Variants in SLCO3A1 observed in about 807,000 individuals in gnomAD.
SLCO3A1 encodes PGE1 transporter.
A neutral mutation model predicts 63.1 loss-of-function variants in SLCO3A1; 27 were observed. The ratio of observed to expected loss-of-function variants is 0.43; its 90% CI spans 0.32 to 0.59. SLCO3A1 has a LOEUF of 0.59. Among genes scored for constraint, SLCO3A1 ranks in the 20% least tolerant of loss-of-function variants. The pLI is 0.09. For missense variants in SLCO3A1, 773 were observed against 945.8 expected, an observed-to-expected ratio of 0.82 and a Z score of 2.40; for synonymous variants, 473 against 409.9, an observed-to-expected ratio of 1.15 and a Z score of -1.86.
intron 2 of SLCO3A1, among the ~76,000 whole-genome samples, chr15:91,953,103 G>C (rs2151413165): frequency 6.6e-6 from 1 of 152,346 alleles, no homozygotes; most frequent in East Asian, 1.9e-4. Context: ...CTTCAGAGTA[G>C]ACTAGGAGGG....
downstream of SLCO3A1, among the ~76,000 whole-genome samples, chr15:92,169,327 A>G (rs2048509288): frequency 6.6e-6 from 1 of 152,108 alleles, no homozygotes; most frequent in Admixed American, 6.5e-5. Flanking sequence ...CAGACCCATA[A>G]CCACTATGGG....
chr15:92,023,986 C>T (rs2046540687), intron 2 of SLCO3A1, among the ~76,000 whole-genome samples: 1 of 152,132 alleles, frequency 6.6e-6, no homozygotes, highest in African/African-American at 2.4e-5. Flanking sequence ...TATCCAGAGC[C>T]AAGTCCAGTG....
At position 91,897,455 on chromosome 15, in the gene SLCO3A1, C is replaced by G. The variant is rs1161126760; in HGVS notation, c.181-18538C>G. Among the ~76,000 whole-genome samples the G allele has an allele frequency of 6.6e-6, 1 of 152,110 alleles. No individual in the cohort carries two copies. The highest frequency in any genetic ancestry group is 1.5e-5 in the Non-Finnish European group (1 of 68,008). On this transcript the variant is annotated intron_variant, in intron 1 of 9. Coordinates refer to ENST00000318445, the MANE Select transcript of SLCO3A1 (RefSeq NM_013272.4). This position sits in a 1 kb window ranked among gnomAD's most constrained non-coding sequence, Gnocchi z 4.7. Reference sequence around the variant, plus strand: ...AATGGAGCGAGACTCTGTCTAAAAACAAACAAACAAACAAACCCCCAAAAC... The same window carrying G: ...AATGGAGCGAGACTCTGTCTAAAAAGAAACAAACAAACAAACCCCCAAAAC...
intron 2 of SLCO3A1, among the ~76,000 whole-genome samples, chr15:92,079,672 C>T (rs988152954): frequency 1.3e-5 from 2 of 152,208 alleles, no homozygotes; most frequent in African/African-American, 4.8e-5. Flanking sequence ...TGAGGGGACA[C>T]AGTCCAGCCC....
At chr15:91,870,943 C>T (rs1271836946) in intron 1 of SLCO3A1, among the ~76,000 whole-genome samples, 1 of 151,362 alleles carries the variant, frequency 6.6e-6, no homozygotes, top group Non-Finnish European at 1.5e-5. Flanking sequence ...TTATTAAGTT[C>T]TATGGCTCAA....
intron 2 of SLCO3A1, among the ~76,000 whole-genome samples, chr15:92,072,115 A>G (rs2047222526): frequency 6.6e-6 from 1 of 152,086 alleles, no homozygotes; most frequent in Non-Finnish European, 1.5e-5. Context: ...ATAGGTTTCA[A>G]GGGATTTGGA....
intron 2 of SLCO3A1, among the ~76,000 whole-genome samples, chr15:92,047,655 G>A (rs1323622742): frequency 2.7e-5 from 3 of 110,778 alleles, no homozygotes; most frequent in Non-Finnish European, 1.7e-5. Flanking sequence ...TATATCTGTA[G>A]GTTATACAGT....
At chr15:91,983,186 C>T (rs1230206413) in intron 2 of SLCO3A1, among the ~76,000 whole-genome samples, 1 of 152,242 alleles carries the variant, frequency 6.6e-6, no homozygotes, top group Non-Finnish European at 1.5e-5. Context: ...GTACCCTATG[C>T]CAGGCATGGC....
intron 6 of SLCO3A1, 46 bp from the exon 7 acceptor site, chr15:92,128,305 G>C (rs78439551): frequency 3.0e-5 from 48 of 1,612,432 alleles, no homozygotes; most frequent in Non-Finnish European, 4.1e-5. Flanking sequence ...ATCTGATTCC[G>C]AATTGACCTG....
intron 2 of SLCO3A1, among the ~76,000 whole-genome samples, chr15:92,044,872 C>T (rs1208386913): frequency 6.6e-6 from 1 of 152,156 alleles, no homozygotes; most frequent in East Asian, 1.9e-4. Context: ...CCCATCCCCT[C>T]GCAACACCTG....
chr15:91,953,145 G>A (rs1369148345), intron 2 of SLCO3A1, among the ~76,000 whole-genome samples: 1 of 152,228 alleles, frequency 6.6e-6, no homozygotes, highest in Admixed American at 6.5e-5. Flanking sequence ...CAAGGCCCAG[G>A]TCATCCCTGC....
chr15:91,887,040 G>A (rs1897741413), intron 1 of SLCO3A1, among the ~76,000 whole-genome samples: 1 of 152,082 alleles, frequency 6.6e-6, no homozygotes, highest in Admixed American at 6.5e-5. Context: ...ATCCTTAGTG[G>A]CTTTTATGGT....
At chr15:92,142,741 G>T (rs912701243) in intron 7 of SLCO3A1, among the ~76,000 whole-genome samples, 2 of 152,104 alleles carry the variant, frequency 1.3e-5, no homozygotes, top group African/African-American at 4.8e-5. Flanking sequence ...TGCAGGCACC[G>T]TGCCAGCTGT....
Position 91,856,299 on chromosome 15 carries a change from A to G in SLCO3A1, c.180+2211A>G, listed in dbSNP as rs964383821. On this transcript the variant is annotated intron_variant, in intron 1 of 9. Coordinates refer to ENST00000318445, the MANE Select transcript of SLCO3A1 (RefSeq NM_013272.4). This position sits in a 1 kb window ranked among gnomAD's most constrained non-coding sequence, Gnocchi z 4.9. ...GGAGAGGACAGGCCTAGGAAATTGA[A>G]TTCATTTTGATTACTAGGAGTGGAG... 2.6e-5 allele frequency among the ~76,000 whole-genome samples: 4 copies of G among 152,076 alleles called. No homozygotes were observed. Among genetic ancestry groups the G allele is most frequent in the Non-Finnish European group, 4.4e-5 (3 of 68,026 alleles).
chr15:91,897,848 G>A lies in SLCO3A1; in HGVS notation c.181-18145G>A, dbSNP rs28734827. On this transcript the variant is annotated intron_variant, in intron 1 of 9. Coordinates refer to ENST00000318445, the MANE Select transcript of SLCO3A1 (RefSeq NM_013272.4). This position sits in a 1 kb window ranked among gnomAD's most constrained non-coding sequence, Gnocchi z 4.7. ...TGCAATGGATGACATGTGAGCATGAGGATGGGTGCGGGAGGCGAAAGGCAG... is the reference window on the plus strand; with the variant it reads ...TGCAATGGATGACATGTGAGCATGAAGATGGGTGCGGGAGGCGAAAGGCAG... 6.6e-6 allele frequency among the ~76,000 whole-genome samples: 1 copy of A among 152,206 alleles called. No homozygotes were observed. Among genetic ancestry groups the A allele is most frequent in the Non-Finnish European group, 1.5e-5 (1 of 68,046 alleles).
intron 9 of SLCO3A1, chr15:92,161,917 T>G (rs972880165): frequency 8.4e-5 from 12 of 143,220 alleles, no homozygotes; most frequent in South Asian, 2.2e-4. Flanking sequence ...TGCCGGCGCT[T>G]TGCAGTTTCC....
At chr15:91,939,354 T>C (rs952792762) in intron 2 of SLCO3A1, among the ~76,000 whole-genome samples, 7 of 151,988 alleles carry the variant, frequency 4.6e-5, no homozygotes, top group African/African-American at 1.7e-4. Context: ...CATAATCCAA[T>C]CACCTCCCGC....
intron 2 of SLCO3A1, among the ~76,000 whole-genome samples, chr15:92,049,367 A>G (rs1374539958): frequency 6.6e-6 from 1 of 152,170 alleles, no homozygotes; most frequent in Non-Finnish European, 1.5e-5. Context: ...TCAAGGTTCA[A>G]TAAGCGGTGT....
In SLCO3A1 at chr15:91,911,319, G is replaced by A. The variant is rs116676345; in HGVS notation, c.181-4674G>A. 1.6e-3 allele frequency among the ~76,000 whole-genome samples: 248 copies of A among 152,314 alleles called. 4 individuals are homozygous for A. The highest frequency in any genetic ancestry group is 5.7e-3 in the African/African-American group (238 of 41,572). On this transcript the variant is annotated intron_variant, in intron 1 of 9. Transcript: ENST00000318445. Reference sequence around the variant, plus strand: ...GAAGGCTAGTTGAGAAGAGGAAGCTGAGTAAAGCAGAGGTACTCAAAGTGG... The same window carrying A: ...GAAGGCTAGTTGAGAAGAGGAAGCTAAGTAAAGCAGAGGTACTCAAAGTGG...
Sources: gnomAD v4.1 joint callset for allele counts (sites outside exome capture counted in the v4.1 genomes callset) on GRCh38, gnomAD v4.1.1 for gene constraint, Gnocchi (gnomAD v3.1) non-coding constraint, MANE v1.5 for transcripts, NCBI Gene and HGNC (gene_info 2026-07-23, HGNC 2026-07-21) for gene names.